The following CREG1 variants were observed in gnomAD, a reference collection of about 807,000 sequenced individuals.
CREG1 encodes cellular repressor of E1A stimulated genes 1, also known as protein CREG1.
In CREG1, 20 loss-of-function variants were observed where a neutral mutation model predicts 19.9. That is an observed-to-expected ratio of 1.01 (90% CI 0.71 to 1.46). The LOEUF is 1.46. Ranked by LOEUF, CREG1 falls within the 40% of genes most tolerant of loss-of-function variation. The pLI, the probability that CREG1 is intolerant of heterozygous loss-of-function variation, is 0.00. For synonymous variants in CREG1, 141 were observed against 143.3 expected (o/e 0.98, Z 0.12); for missense variants, 290 against 314.9 (o/e 0.92, Z 0.60).
chr1:167,553,609 G>T lies in CREG1; in HGVS notation c.133C>A (p.Arg45=), dbSNP rs1170654698. 2 of 1,410,202 alleles carry T rather than the reference G, an allele frequency of 1.4e-6. No individual in the cohort carries two copies. The highest frequency in any genetic ancestry group is 1.5e-5 in the African/African-American group (1 of 66,794). The allele number at this position is 1,410,202 out of a possible 1,614,324, so 87.4% of individuals were successfully genotyped here. A position where few individuals can be genotyped will look rare whatever the true frequency, so the allele number is the denominator to read the frequency against. ...TCGCGGGGTGGTAGCGGCGGCAGCC[G>T]GGAGGCCTCGTCCCAGTCCCCGTGG... is the stretch of plus-strand genomic sequence containing the variant. ...RDHGDWDEAS[R]LPPLPPREDA... Residue 45 remains arginine, a synonymous_variant, in exon 1 of 4, where the codon CGG becomes AGG. Coordinates refer to ENST00000370509, the MANE Select transcript of CREG1 (RefSeq NM_003851.3).
chr1:167,542,136 ATT>A lies in CREG1; in HGVS notation c.*160_*161del. 1.7e-6 allele frequency: 1 copy of A among 584,266 alleles called. No individual in the cohort carries two copies. Among genetic ancestry groups the A allele is most frequent in the Non-Finnish European group, 2.9e-6 (1 of 346,536 alleles). 36.2% of individuals were successfully genotyped at this position (584,266 alleles called of 1,614,324 possible). A position where few individuals can be genotyped will look rare whatever the true frequency, so the allele number is the denominator to read the frequency against. On this transcript the variant is annotated 3_prime_UTR_variant, in exon 4 of 4. Coordinates refer to ENST00000370509, the MANE Select transcript of CREG1 (RefSeq NM_003851.3). ...GGAAATCCAATAACAGGTCAACTCT[ATT>A]GGTAAACAAGCAAGTAAACAAGCAA...
At position 167,541,683 on chromosome 1, in the gene CREG1, T is replaced by C. The variant is rs1227954542; in HGVS notation, c.*615A>G. On this transcript the variant is annotated 3_prime_UTR_variant, in exon 4 of 4. Transcript: ENST00000370509. ...ATCACTTTAGAGTATAAAAAGTTTT[T>C]CAAAAGTTCTTTATCAGAAATAGTT... 1 of 152,260 alleles carries C rather than the reference T, an allele frequency of 6.6e-6. No individual in the cohort carries two copies. Among genetic ancestry groups the C allele is most frequent in the African/African-American group, 2.4e-5 (1 of 41,470 alleles). The allele number at this position is 152,260 out of a possible 1,614,324, so 9.4% of individuals were successfully genotyped here.
At chr1:167,550,610 T>C (rs1418853447) in intron 1 of CREG1, among the ~76,000 whole-genome samples, 4 of 152,176 alleles carry the variant, frequency 2.6e-5, no homozygotes, top group African/African-American at 9.7e-5. Context: ...CTGGGTTTAC[T>C]GAGAAAACAA....
At chr1:167,545,856 A>G (rs950530601) in intron 3 of CREG1, among the ~76,000 whole-genome samples, 9 of 152,202 alleles carry the variant, frequency 5.9e-5, no homozygotes, top group African/African-American at 2.2e-4. Flanking sequence ...TATTTAATAT[A>G]TTAATAAAAC....
chr1:167,550,187 C>G (rs1656401305), intron 1 of CREG1, among the ~76,000 whole-genome samples: 1 of 152,066 alleles, frequency 6.6e-6, no homozygotes, highest in South Asian at 2.1e-4. Flanking sequence ...GTGGGTTTCA[C>G]CATATTGGCC....
At position 167,553,491 on chromosome 1, in the gene CREG1, G is replaced by A. The variant is rs1227819186; in HGVS notation, c.251C>T (p.Pro84Leu). The change falls in exon 1 of 4, where the codon CCC (proline) becomes CTC (leucine). Residue 84 changes from proline to leucine, a missense_variant. Physicochemically the swap from Pro to Leu is moderately conservative, Grantham distance 98. Transcript: ENST00000370509. ...ISTLEAVRGR[P>L]FADVLSLSDG... is the part of the protein sequence containing the mutation. Reference sequence around the variant, plus strand: ...GCTGAGCGAGAGGACGTCGGCGAAGGGCCGGCCGCGCACCGCCTCCAGCGT... The same window carrying A: ...GCTGAGCGAGAGGACGTCGGCGAAGAGCCGGCCGCGCACCGCCTCCAGCGT... 3 of 1,490,570 alleles carry A rather than the reference G, an allele frequency of 2.0e-6. No homozygotes were observed. Among genetic ancestry groups the A allele is most frequent in the Non-Finnish European group, 1.8e-6 (2 of 1,127,892 alleles). 92.3% of individuals were successfully genotyped at this position (1,490,570 alleles called of 1,614,324 possible). A position where few individuals can be genotyped will look rare whatever the true frequency, so the allele number is the denominator to read the frequency against.
chr1:167,549,021 C>T (rs1228101582), intron 1 of CREG1, among the ~76,000 whole-genome samples: 1 of 152,066 alleles, frequency 6.6e-6, no homozygotes, highest in Non-Finnish European at 1.5e-5. Context: ...CCAGCATAGA[C>T]CAGAGTGATA....
intron 1 of CREG1, among the ~76,000 whole-genome samples, chr1:167,551,488 A>G (rs1227891540): frequency 2.0e-5 from 3 of 152,212 alleles, no homozygotes; most frequent in African/African-American, 7.2e-5. Context: ...GACCTGGGCT[A>G]ATGTCCTACC....
At position 167,553,667 on chromosome 1, in the gene CREG1, G is replaced by A; in HGVS notation, c.75C>T (p.Leu25=). Reference sequence around the variant, plus strand: ...CGCCGCGACCCCGCGCGGGCGACACGAGCAGCGCCAACAGCGTCGACGCCA... The same window carrying A: ...CGCCGCGACCCCGCGCGGGCGACACAAGCAGCGCCAACAGCGTCGACGCCA... ...ALLASTLLAL[L]VSPARGRGGR... Residue 25 remains leucine, a synonymous_variant, in exon 1 of 4, where the codon CTC becomes CTT. Transcript: ENST00000370509. 10 of 1,341,244 alleles carry A rather than the reference G, an allele frequency of 7.5e-6. No individual in the cohort carries two copies. The highest frequency in any genetic ancestry group is 3.1e-5 in the East Asian group (1 of 32,236). The allele number at this position is 1,341,244 out of a possible 1,614,324, so 83.1% of individuals were successfully genotyped here.
intron 3 of CREG1, among the ~76,000 whole-genome samples, chr1:167,543,709 G>C (rs919451996): frequency 1.3e-5 from 2 of 152,224 alleles, no homozygotes; most frequent in Non-Finnish European, 2.9e-5. Context: ...AGAGGCACCC[G>C]GTCAGAGCGG....
At chr1:167,552,060 G>A (rs1656430830) in intron 1 of CREG1, among the ~76,000 whole-genome samples, 1 of 152,206 alleles carries the variant, frequency 6.6e-6, no homozygotes, top group Non-Finnish European at 1.5e-5. Flanking sequence ...AGAACTTTGT[G>A]TAGGCCAAAC....
Position 167,553,735 on chromosome 1 carries a change from C to G in CREG1, c.7G>C (p.Gly3Arg), listed in dbSNP as rs1352547122. 11 of 1,281,348 alleles carry G rather than the reference C, an allele frequency of 8.6e-6. No individual in the cohort carries two copies. The highest frequency in any genetic ancestry group is 1.1e-5 in the Non-Finnish European group (11 of 1,016,542). 79.4% of individuals were successfully genotyped at this position (1,281,348 alleles called of 1,614,324 possible). ...GCGCGCGCGGACCCGCGGGATAGCC[C>G]GGCCATGGCGGTGTCTCCAGGAAGA... Reference protein sequence around the residue: MAGLSRGSARALL... With the variant: MARLSRGSARALL... The change falls in exon 1 of 4, where the codon GGG becomes CGG. Residue 3 changes from glycine to arginine, a missense_variant. Gly to Arg is a moderately radical substitution (Grantham distance 125). Coordinates refer to ENST00000370509, the MANE Select transcript of CREG1 (RefSeq NM_003851.3).
At chr1:167,546,403 G>A in intron 2 of CREG1, 118 bp from the exon 3 acceptor site, 1 of 632,274 alleles carries the variant, frequency 1.6e-6, no homozygotes, top group Non-Finnish European at 2.6e-6. Flanking sequence ...CAGCACTTTG[G>A]AAGGCCAAGG....
At chr1:167,551,979 G>C (rs1194507758) in intron 1 of CREG1, among the ~76,000 whole-genome samples, 1 of 152,178 alleles carries the variant, frequency 6.6e-6, no homozygotes, top group African/African-American at 2.4e-5. Context: ...AAAAGTTAGA[G>C]ATTTACATTT....
At chr1:167,551,545 G>A (rs1454029598) in intron 1 of CREG1, among the ~76,000 whole-genome samples, 4 of 152,128 alleles carry the variant, frequency 2.6e-5, no homozygotes, top group Non-Finnish European at 4.4e-5. Flanking sequence ...CTGCACCTCT[G>A]AGTCTGTGTT....
In CREG1 at chr1:167,553,433, G is replaced by A. The variant is rs997399081; in HGVS notation, c.309C>T (p.Pro103=). Residue 103 remains proline (P), a synonymous_variant, in exon 1 of 4, where the codon CCC becomes CCT. Transcript: ENST00000370509. ...GCTGCAGCGGGCTCAGGTAGAAATA[G>A]GGCACGCCGCTGCCCGCGCCCGGGG... The part of the protein sequence containing the change: ...DGPPGAGSGV[P]YFYLSPLQLS... The A allele has an allele frequency of 6.8e-7, 1 of 1,475,434 alleles. No individual in the cohort carries two copies. Among genetic ancestry groups the A allele is most frequent in the Admixed American group, 2.3e-5 (1 of 42,560 alleles). 91.4% of individuals were successfully genotyped at this position (1,475,434 alleles called of 1,614,324 possible). A position where few individuals can be genotyped will look rare whatever the true frequency, so the allele number is the denominator to read the frequency against.
chr1:167,551,793 C>A (rs902747806), intron 1 of CREG1, among the ~76,000 whole-genome samples: 13 of 152,236 alleles, frequency 8.5e-5, no homozygotes, highest in African/African-American at 3.1e-4. Flanking sequence ...AAGTTGAGCA[C>A]CACTGATGGA....
At chr1:167,552,678 G>A (rs1656440939) in intron 1 of CREG1, among the ~76,000 whole-genome samples, 1 of 152,196 alleles carries the variant, frequency 6.6e-6, no homozygotes, top group African/African-American at 2.4e-5. Flanking sequence ...AAGGGTAAGA[G>A]AGTGAGAAAC....
At position 167,542,209 on chromosome 1, in the gene CREG1, C is replaced by T. The variant is rs377719512; in HGVS notation, c.*89G>A. ...CAGAAAACTGGCTAATATTCTGGGA[C>T]GCTTTCCAGAGAAACATTAAGCCTT... On this transcript the variant is annotated 3_prime_UTR_variant, in exon 4 of 4. Coordinates refer to ENST00000370509, the MANE Select transcript of CREG1 (RefSeq NM_003851.3). The T allele has an allele frequency of 3.0e-5, 36 of 1,204,478 alleles. No individual in the cohort carries two copies. The South Asian group carries it at 3.3e-4, about 11-fold the overall frequency. The allele number at this position is 1,204,478 out of a possible 1,614,324, so 74.6% of individuals were successfully genotyped here. A position where few individuals can be genotyped will look rare whatever the true frequency, so the allele number is the denominator to read the frequency against.
Sources: gnomAD v4.1 joint callset for allele counts (sites outside exome capture counted in the v4.1 genomes callset) on GRCh38, gnomAD v4.1.1 for gene constraint, MANE v1.5 for transcripts, NCBI Gene and HGNC (gene_info 2026-07-23, HGNC 2026-07-21) for gene names.